Variants in NFIA observed in about 807,000 individuals in gnomAD.
NFIA encodes the protein nuclear factor 1 A-type.
NFIA carries 8 observed loss-of-function variants against 62.8 expected under a neutral mutation model. The ratio of observed to expected loss-of-function variants is 0.13; its 90% confidence interval spans 0.07 to 0.23. The LOEUF (loss-of-function observed/expected upper bound fraction) is 0.23, where lower values mean the gene tolerates loss of function less well. Ranked by LOEUF, NFIA falls within the 10% of genes least tolerant of loss-of-function variation. The probability of loss-of-function intolerance (pLI) is 1.00; values close to 1 mark genes in which losing one functional copy is unlikely to be tolerated. For missense variants in NFIA, 410 were observed against 642.1 expected (o/e 0.64, Z 3.91); for synonymous variants, 235 against 238.1 (o/e 0.99, Z 0.12).
chr1:61,140,791 G>A (rs1307821974), intron 2 of NFIA, among the ~76,000 whole-genome samples: 1 of 152,030 alleles, frequency 6.6e-6, no homozygotes, highest in Non-Finnish European at 1.5e-5. Context: ...TCAGAATGGG[G>A]CATCCTGCAT....
At chr1:61,336,351 A>G (rs1661606730) in intron 4 of NFIA, among the ~76,000 whole-genome samples, 1 of 152,070 alleles carries the variant, frequency 6.6e-6, no homozygotes, top group Admixed American at 6.6e-5. Context: ...GTTTGTTTTT[A>G]ATTAACAGAC....
intron 3 of NFIA, among the ~76,000 whole-genome samples, chr1:61,279,606 G>A (rs777951136): frequency 1.8e-4 from 28 of 152,266 alleles, no homozygotes; most frequent in Admixed American, 4.6e-4. Flanking sequence ...TGTCTCCAGA[G>A]GTATAATTTT....
chr1:61,157,331 A>G (rs1648887151), intron 2 of NFIA, among the ~76,000 whole-genome samples: 1 of 152,206 alleles, frequency 6.6e-6, no homozygotes, highest in Non-Finnish European at 1.5e-5. Context: ...CACTCCCTGC[A>G]AAAGAGAGCA....
At chr1:61,282,821 A>G (rs17265370) in intron 3 of NFIA, among the ~76,000 whole-genome samples, 2,647 of 152,292 alleles carry the variant, frequency 0.017, 60 homozygotes, top group Non-Finnish European at 0.021. Flanking sequence ...TAATAACTTT[A>G]TCATAGTGGT....
intron 2 of NFIA, among the ~76,000 whole-genome samples, chr1:61,127,973 A>G (rs1334135002): frequency 6.6e-6 from 1 of 152,166 alleles, no homozygotes; most frequent in African/African-American, 2.4e-5. Context: ...GAGCTCCTCA[A>G]GGGCAGGGAC....
At chr1:61,099,787 A>G (rs67748739) in intron 2 of NFIA, among the ~76,000 whole-genome samples, 29,827 of 152,140 alleles carry the variant, frequency 0.2, 3,247 homozygotes, top group Middle Eastern at 0.27. Context: ...CCCTAAAACT[A>G]TATTATTTAA....
At chr1:61,415,258 T>C (rs1489450087) in intron 9 of NFIA, among the ~76,000 whole-genome samples, 2 of 152,120 alleles carry the variant, frequency 1.3e-5, no homozygotes, top group East Asian at 3.9e-4. Flanking sequence ...TATTAAGCCA[T>C]AAAATAGCAC....
chr1:61,353,069 G>C (rs1375285008), intron 5 of NFIA, among the ~76,000 whole-genome samples: 1 of 152,096 alleles, frequency 6.6e-6, no homozygotes, highest in African/African-American at 2.4e-5. Context: ...GAACACTGGT[G>C]ACAGTCTCAG....
intron 6 of NFIA, among the ~76,000 whole-genome samples, chr1:61,360,495 G>T (rs1032694182): frequency 6.6e-6 from 1 of 152,192 alleles, no homozygotes; most frequent in Non-Finnish European, 1.5e-5. Flanking sequence ...CTAGCATAGA[G>T]TAAGTATGAA....
intron 2 of NFIA, among the ~76,000 whole-genome samples, chr1:61,114,949 AAT>A (rs768782646): frequency 6.6e-6 from 1 of 151,974 alleles, no homozygotes; most frequent in Non-Finnish European, 1.5e-5. Flanking sequence ...ACATTAAGTG[AAT>A]ATATATATAT....
At chr1:61,159,638 C>T (rs334711) in intron 2 of NFIA, among the ~76,000 whole-genome samples, 119,936 of 150,402 alleles carry the variant, frequency 0.8, 49,452 homozygotes, top group Non-Finnish European at 0.91. Flanking sequence ...TTCTGCCTAC[C>T]TCATTGGGTT....
intron 2 of NFIA, among the ~76,000 whole-genome samples, chr1:61,276,314 C>G (rs936026015): frequency 6.6e-6 from 1 of 152,168 alleles, no homozygotes; most frequent in Non-Finnish European, 1.5e-5. Context: ...CCACTTCTTT[C>G]TGCAGCATCT....
At chr1:61,360,098 A>G (rs1442354881) in intron 6 of NFIA, among the ~76,000 whole-genome samples, 1 of 152,168 alleles carries the variant, frequency 6.6e-6, no homozygotes, top group Non-Finnish European at 1.5e-5. Context: ...TTATTTTTCT[A>G]TTTAAATGGA....
chr1:61,416,719 C>T (rs1277315127), intron 9 of NFIA, among the ~76,000 whole-genome samples: 1 of 151,896 alleles, frequency 6.6e-6, no homozygotes, highest in African/African-American at 2.4e-5. Context: ...TATGCATTAC[C>T]TTAGTTGCAT....
At chr1:61,271,234 C>T (rs1557674293) in intron 2 of NFIA, among the ~76,000 whole-genome samples, 1 of 152,128 alleles carries the variant, frequency 6.6e-6, no homozygotes, top group Non-Finnish European at 1.5e-5. Context: ...AACTGTGTAT[C>T]ATTCTGCAAC....
At position 61,112,644 on chromosome 1, in the gene NFIA, C is replaced by G. The variant is rs549456683; in HGVS notation, c.559+23964C>G. ...GATAGCTCACATCTGTAATCAGAAA[C>G]TTACTGTTTAATGGCCACCCAATTG... is the stretch of plus-strand genomic sequence containing the variant. On this transcript the variant is annotated intron_variant, in intron 2 of 10. Transcript: ENST00000403491. 1.9e-4 allele frequency among the ~76,000 whole-genome samples: 29 copies of G among 152,284 alleles called. No individual in the cohort carries two copies. The South Asian group carries it at 5.6e-3, about 29-fold the overall frequency.
At chr1:61,381,502 A>G (rs929761448) in intron 6 of NFIA, among the ~76,000 whole-genome samples, 1 of 152,196 alleles carries the variant, frequency 6.6e-6, no homozygotes, top group Non-Finnish European at 1.5e-5. Flanking sequence ...TTCAAATCAC[A>G]TGGATGTTGA....
chr1:61,312,031 G>A (rs1264138179), intron 3 of NFIA, among the ~76,000 whole-genome samples: 2 of 152,200 alleles, frequency 1.3e-5, no homozygotes, highest in Non-Finnish European at 2.9e-5. Context: ...ACTGGGAACT[G>A]TGCTGGAGAC....
At chr1:61,374,038 T>C (rs1403033818) in intron 6 of NFIA, among the ~76,000 whole-genome samples, 1 of 152,194 alleles carries the variant, frequency 6.6e-6, no homozygotes, top group Non-Finnish European at 1.5e-5. Flanking sequence ...AACTTAATTT[T>C]TAAATTCATT....
Sources: gnomAD v4.1 joint callset for allele counts (sites outside exome capture counted in the v4.1 genomes callset) on GRCh38, gnomAD v4.1.1 for gene constraint, MANE v1.5 for transcripts, NCBI Gene and HGNC (gene_info 2026-07-23, HGNC 2026-07-21) for gene names.